GLOD5: variants seen among roughly 807,000 people sequenced by gnomAD.
The protein encoded by GLOD5 is glyoxalase domain containing 5, also known as glyoxalase domain-containing protein 5.
In GLOD5, 7 loss-of-function variants were observed where a neutral mutation model predicts 9.9. The ratio of observed to expected loss-of-function variants is 0.71; its 90% CI spans 0.40 to 1.33. The LOEUF (loss-of-function observed/expected upper bound fraction) is 1.33, where lower values mean the gene tolerates loss of function less well. Among genes scored for constraint, GLOD5 ranks in the 40% most tolerant of loss-of-function variants. GLOD5 has a pLI of 0.01. For synonymous variants in GLOD5, 49 were observed against 47.3 expected, an observed-to-expected ratio of 1.04 and a Z score of -0.14; for missense variants, 146 against 128.4, an observed-to-expected ratio of 1.14 and a Z score of -0.66.
At position 48,765,438 on chromosome X, in the gene GLOD5, C is replaced by T. The variant is rs188007414; in HGVS notation, c.64-397C>T. Among the ~76,000 whole-genome samples, 439 of 108,716 alleles carry T rather than the reference C, an allele frequency of 4.0e-3. 3 individuals are homozygous for T. Among genetic ancestry groups the T allele is most frequent in the African/African-American group, 0.013 (403 of 29,852 alleles). The allele number at this position is 108,716 out of a possible 115,157, so 94.4% of individuals were successfully genotyped here. A position where few individuals can be genotyped will look rare whatever the true frequency, so the allele number is the denominator to read the frequency against. On this transcript the variant is annotated intron_variant, in intron 1 of 3. Coordinates refer to ENST00000303227, the MANE Select transcript of GLOD5 (RefSeq NM_001080489.3). The stretch of plus-strand genomic sequence containing the variant: ...ACTAAAAATACAAAAATTAGCTGGG[C>T]GTGGTGACACACACCTGTAGTACCA...
intron 2 of GLOD5, among the ~76,000 whole-genome samples, chrX:48,766,652 G>A (rs1471264303): frequency 9.1e-6 from 1 of 110,307 alleles, no homozygotes; most frequent in Non-Finnish European, 1.9e-5. Flanking sequence ...TTGGGAGGCT[G>A]AGGCATGAGA....
intron 2 of GLOD5, chrX:48,766,245 T>A (rs1315972057): frequency 7.8e-6 from 2 of 256,923 alleles, no homozygotes; most frequent in Non-Finnish European, 1.4e-5. Flanking sequence ...ACACTTAACA[T>A]GGATCCTTCT....
At chrX:48,764,128 A>T (rs782464186) in intron 1 of GLOD5, among the ~76,000 whole-genome samples, 1 of 112,361 alleles carries the variant, frequency 8.9e-6, no homozygotes, top group South Asian at 3.7e-4. Flanking sequence ...TGTTTGGGAA[A>T]GAGTGGGGAA....
At chrX:48,766,094 A>G in intron 2 of GLOD5, 122 bp downstream of exon 2, 1 of 631,090 alleles carries the variant, frequency 1.6e-6, no homozygotes, top group Non-Finnish European at 2.5e-6. Context: ...AAAGAGATCA[A>G]TAGAGGAGAT....
Position 48,761,869 on chromosome X carries a change from C to T in GLOD5, c.63+16C>T, listed in dbSNP as rs1196545547. On this transcript the variant is annotated intron_variant, in intron 1 of 3. Transcript: ENST00000303227. ...GGAGAAACAGGTGAACAAGATGGCCCCTGGGGATCTGGGGCAAGGGTGTTG... is the reference window on the plus strand; with the variant it reads ...GGAGAAACAGGTGAACAAGATGGCCTCTGGGGATCTGGGGCAAGGGTGTTG... 1.2e-5 allele frequency: 14 copies of T among 1,140,742 alleles called. No individual in the cohort carries two copies. The African/African-American group carries it at 2.5e-4, about 21-fold the overall frequency. The allele number at this position is 1,140,742 out of a possible 1,213,427, so 94.0% of individuals were successfully genotyped here.
chrX:48,771,112 A>C (rs1470662534), intron 3 of GLOD5, 30 bp downstream of exon 3: 54 of 1,118,629 alleles, frequency 4.8e-5, no homozygotes, highest in Non-Finnish European at 6.0e-5. Flanking sequence ...TTTTTGCAAA[A>C]GCTGCTGCAA....
rs374482418 is a variant in GLOD5 at position 48,770,253 on chromosome X, C to T, written c.202-674C>T. Among the ~76,000 whole-genome samples, 6 of 108,028 alleles carry T rather than the reference C, an allele frequency of 5.6e-5. No individual in the cohort carries two copies. The East Asian group carries it at 1.4e-3, about 26-fold the overall frequency. The allele number at this position is 108,028 out of a possible 115,157, so 93.8% of individuals were successfully genotyped here. A position where few individuals can be genotyped will look rare whatever the true frequency, so the allele number is the denominator to read the frequency against. On this transcript the variant is annotated intron_variant, in intron 2 of 3. Coordinates refer to ENST00000303227, the MANE Select transcript of GLOD5 (RefSeq NM_001080489.3). ...TGGTGCCACTGCACTCCAGCCTGGG[C>T]AACAGAGCAAGACTCTGTCTCAAAT...
In GLOD5 at chrX:48,761,766, C is replaced by A. The variant is rs1363250388; in HGVS notation, c.-25C>A. The A allele has an allele frequency of 1.7e-6, 2 of 1,155,930 alleles. No individual in the cohort carries two copies. Among genetic ancestry groups the A allele is most frequent in the Non-Finnish European group, 2.3e-6 (2 of 862,966 alleles). On this transcript the variant is annotated 5_prime_UTR_variant, in exon 1 of 4. Coordinates refer to ENST00000303227, the MANE Select transcript of GLOD5 (RefSeq NM_001080489.3). Reference sequence around the variant, plus strand: ...TGAGCCAGAGGATTGTCGGGAGGACCCTGGGCAAAGACGCCTACCCTGCCA... The same window carrying A: ...TGAGCCAGAGGATTGTCGGGAGGACACTGGGCAAAGACGCCTACCCTGCCA...
intron 2 of GLOD5, among the ~76,000 whole-genome samples, chrX:48,769,184 T>G (rs781893051): frequency 1.8e-5 from 2 of 108,996 alleles, no homozygotes; most frequent in Admixed American, 9.8e-5. Flanking sequence ...GGCAGGGCTG[T>G]GAGTTAATCT....
intron 2 of GLOD5, among the ~76,000 whole-genome samples, chrX:48,770,689 C>G (rs1317552030): frequency 8.9e-6 from 1 of 112,135 alleles, no homozygotes; most frequent in Admixed American, 9.5e-5. Context: ...ATTGCTATCT[C>G]TGCCTTGAGT....
At chrX:48,772,727 C>T (rs964924729) in intron 3 of GLOD5, among the ~76,000 whole-genome samples, 3 of 110,296 alleles carry the variant, frequency 2.7e-5, no homozygotes, top group East Asian at 5.7e-4. Flanking sequence ...TGCCTAGGTT[C>T]GAATTCTGGT....
At position 48,773,350 on chromosome X, in the gene GLOD5, C is replaced by G. The variant is rs781845705; in HGVS notation, c.398C>G (p.Thr133Arg). ...VPIEEGPVPR[T>R]GAKGPIMSIY... The stretch of plus-strand genomic sequence containing the variant: ...ATTGAGGAGGGGCCAGTCCCCAGAA[C>G]AGGGGCAAAAGGGCCTATCATGTCC... The change falls in exon 4 of 4, where the codon ACA becomes AGA. Residue 133 changes from threonine to arginine, a missense_variant. Coordinates refer to ENST00000303227, the MANE Select transcript of GLOD5 (RefSeq NM_001080489.3). 1.7e-5 allele frequency: 20 copies of G among 1,207,498 alleles called. 1 individual carries two copies. Among genetic ancestry groups the G allele is most frequent in the Non-Finnish European group, 1.1e-6 (1 of 893,401 alleles).
chrX:48,771,187 G>A, intron 3 of GLOD5, 105 bp downstream of exon 3: 7 of 552,743 alleles, frequency 1.3e-5, no homozygotes, highest in South Asian at 4.9e-5. Flanking sequence ...GATAATGTCT[G>A]CACACAGTTA....
At chrX:48,764,365 C>A (rs1380913788) in intron 1 of GLOD5, among the ~76,000 whole-genome samples, 3 of 111,384 alleles carry the variant, frequency 2.7e-5, no homozygotes, top group Non-Finnish European at 5.6e-5. Flanking sequence ...ACATCATCAT[C>A]ATCATCAATC....
In GLOD5 at chrX:48,765,832, T is replaced by A. The variant is rs1350626343; in HGVS notation, c.64-3T>A. Reference sequence around the variant, plus strand: ...CTCTTCTGACTTTTTTTTCTTTTTTTAGTCATGGAGGGACAGCAGTCAGAC... The same window carrying A: ...CTCTTCTGACTTTTTTTTCTTTTTTAAGTCATGGAGGGACAGCAGTCAGAC... On this transcript the variant is annotated splice_polypyrimidine_tract_variant and splice_region_variant and intron_variant, in intron 1 of 3. Coordinates refer to ENST00000303227, the MANE Select transcript of GLOD5 (RefSeq NM_001080489.3). The A allele has an allele frequency of 4.3e-6, 5 of 1,176,460 alleles. No individual in the cohort carries two copies. The highest frequency in any genetic ancestry group is 5.2e-5 in the Admixed American group (2 of 38,734).
chrX:48,766,119 T>G (rs185314855), intron 2 of GLOD5, 147 bp downstream of exon 2: 3 of 525,204 alleles, frequency 5.7e-6, no homozygotes, highest in East Asian at 3.8e-5. Context: ...AACTGAATAT[T>G]TGGACTTCCA....
chrX:48,773,243 A>C (rs1332637048), intron 3 of GLOD5, 67 bp from the exon 4 acceptor site: 11 of 1,116,675 alleles, frequency 9.9e-6, no homozygotes, highest in African/African-American at 1.9e-5. Flanking sequence ...AAAAAAAAAA[A>C]GGCATTAAAT....
At chrX:48,767,714 A>G (rs1473062798) in intron 2 of GLOD5, among the ~76,000 whole-genome samples, 2 of 111,602 alleles carry the variant, frequency 1.8e-5, no homozygotes, top group Non-Finnish European at 3.8e-5. Context: ...CATCTCAAAT[A>G]GATAAATTAA....
In GLOD5 at chrX:48,773,378, C is replaced by A; in HGVS notation, c.426C>A (p.Ile142=). The A allele has an allele frequency of 8.3e-7, 1 of 1,209,979 alleles. No homozygotes were observed. Among genetic ancestry groups the A allele is most frequent in the Non-Finnish European group, 1.1e-6 (1 of 894,089 alleles). Residue 142 remains isoleucine, a synonymous_variant, in exon 4 of 4, where the codon ATC becomes ATA. Transcript: ENST00000303227. The part of the protein sequence containing the change: ...RTGAKGPIMS[I]YFRDPDRNLI... ...GGGCAAAAGGGCCTATCATGTCCAT[C>A]TACTTCCGAGACCCCGACAGAAATC...
Sources: allele counts gnomAD v4.1 joint callset (sites outside exome capture counted in the v4.1 genomes callset), GRCh38; gene constraint gnomAD v4.1.1; transcripts MANE v1.5; gene names NCBI Gene and HGNC (gene_info 2026-07-23, HGNC 2026-07-21).